FLT1: variants seen among roughly 807,000 people sequenced by gnomAD.
The protein encoded by FLT1 is fms related receptor tyrosine kinase 1, also known as vascular endothelial growth factor receptor 1.
A neutral mutation model predicts 156.3 loss-of-function variants in FLT1; 49 were observed. The observed-to-expected ratio is 0.31, with a 90% CI of 0.25 to 0.40. The LOEUF (loss-of-function observed/expected upper bound fraction) is 0.40. Among genes scored for constraint, FLT1 ranks in the 10% least tolerant of loss-of-function variants. The pLI, the probability that FLT1 is intolerant of heterozygous loss-of-function variation, is 1.00. For missense variants in FLT1, 1,322 were observed against 1,637.2 expected (o/e 0.81, Z 3.32); for synonymous variants, 594 against 583.8 (o/e 1.02, Z -0.25).
At chr13:28,473,644 CAAAA>C (rs56288848) in intron 1 of FLT1, among the ~76,000 whole-genome samples, 30,644 of 112,438 alleles carry the variant, frequency 0.27, 4,195 homozygotes, top group Non-Finnish European at 0.33. Flanking sequence ...GACTATATCT[CAAAA>C]GAAAGAAAGA....
chr13:28,469,496 C>T (rs1241425313), intron 1 of FLT1, among the ~76,000 whole-genome samples: 1 of 152,204 alleles, frequency 6.6e-6, no homozygotes, highest in Non-Finnish European at 1.5e-5. Flanking sequence ...GCTCCTCAGG[C>T]TCCTCGTGAG....
intron 15 of FLT1, among the ~76,000 whole-genome samples, chr13:28,349,638 C>T (rs1383942995): frequency 6.6e-6 from 1 of 152,178 alleles, no homozygotes; most frequent in Non-Finnish European, 1.5e-5. Flanking sequence ...ATGCTTCCCG[C>T]ATGGAATGCA....
chr13:28,458,531 G>A (rs1879394999), intron 3 of FLT1, among the ~76,000 whole-genome samples: 1 of 152,128 alleles, frequency 6.6e-6, no homozygotes, highest in Non-Finnish European at 1.5e-5. Flanking sequence ...GAAATTATTA[G>A]GACATCCTAG....
intron 1 of FLT1, among the ~76,000 whole-genome samples, chr13:28,482,094 T>C (rs1259135549): frequency 1.3e-5 from 2 of 152,202 alleles, no homozygotes; most frequent in East Asian, 1.9e-4. Context: ...TGACTGGCTA[T>C]AAAATCGGGA....
At chr13:28,373,414 A>G (rs1413165423) in intron 14 of FLT1, among the ~76,000 whole-genome samples, 1 of 152,138 alleles carries the variant, frequency 6.6e-6, no homozygotes, top group Non-Finnish European at 1.5e-5. Flanking sequence ...TCGTGGACTG[A>G]GTTCACTGAC....
chr13:28,442,892 A>G (rs1010016520), intron 3 of FLT1, among the ~76,000 whole-genome samples: 1 of 152,240 alleles, frequency 6.6e-6, no homozygotes, highest in African/African-American at 2.4e-5. Flanking sequence ...TTCCATTAAT[A>G]TCACCAGTAA....
intron 14 of FLT1, among the ~76,000 whole-genome samples, chr13:28,371,034 T>C (rs1873539835): frequency 6.6e-6 from 1 of 152,222 alleles, no homozygotes; most frequent in African/African-American, 2.4e-5. Flanking sequence ...TTACAGTGTA[T>C]GCCTGCTAAA....
intron 14 of FLT1, among the ~76,000 whole-genome samples, chr13:28,363,571 A>G (rs1220160589): frequency 1.3e-5 from 2 of 151,932 alleles, no homozygotes; most frequent in African/African-American, 4.8e-5. Flanking sequence ...TAGATTATAT[A>G]TCCTTTTCAA....
At chr13:28,389,576 C>T in intron 13 of FLT1, 1 of 1,438,092 alleles carries the variant, frequency 7.0e-7, no homozygotes, top group South Asian at 1.5e-5. Flanking sequence ...GCCCGGGGGT[C>T]TCATTATTAC....
intron 3 of FLT1, among the ~76,000 whole-genome samples, chr13:28,455,778 TA>T (rs1326081320): frequency 2.0e-5 from 3 of 152,182 alleles, no homozygotes; most frequent in Admixed American, 2.0e-4. Flanking sequence ...AAAGAATTCT[TA>T]AAACTCATCA....
At chr13:28,474,529 C>T (rs917660495) in intron 1 of FLT1, among the ~76,000 whole-genome samples, 3 of 145,022 alleles carry the variant, frequency 2.1e-5, no homozygotes, top group African/African-American at 8.3e-5. Context: ...CACACAAACC[C>T]CACAAATCAT....
chr13:28,466,702 G>T (rs1395712899), intron 3 of FLT1: 1 of 667,060 alleles, frequency 1.5e-6, no homozygotes, highest in Admixed American at 2.1e-5. Context: ...TCTCTTTGTG[G>T]AGCACATAGT....
intron 13 of FLT1, chr13:28,388,496 C>T: frequency 9.6e-7 from 1 of 1,037,502 alleles, no homozygotes; most frequent in Non-Finnish European, 1.2e-6. Context: ...ATATAATGAT[C>T]AATCATAAAT....
chr13:28,368,895 G>T (rs907664441), intron 14 of FLT1, among the ~76,000 whole-genome samples: 4 of 151,620 alleles, frequency 2.6e-5, no homozygotes, highest in African/African-American at 9.7e-5. Context: ...AGTTGAGATG[G>T]GGTTTCACCA....
At chr13:28,467,708 T>G (rs760454847) in intron 1 of FLT1, 91 bp from the exon 2 acceptor site, 6 of 684,136 alleles carry the variant, frequency 8.8e-6, no homozygotes, top group South Asian at 1.7e-5. Flanking sequence ...TTTTTCATTT[T>G]TAATTTATTT....
chr13:28,403,340 G>C (rs1302394698), intron 11 of FLT1, among the ~76,000 whole-genome samples: 1 of 152,114 alleles, frequency 6.6e-6, no homozygotes, highest in Non-Finnish European at 1.5e-5. Context: ...CAATAAATTT[G>C]TTTTAAACCT....
At chr13:28,344,762 T>C (rs992790243) in intron 16 of FLT1, among the ~76,000 whole-genome samples, 4 of 151,312 alleles carry the variant, frequency 2.6e-5, no homozygotes, top group Admixed American at 1.3e-4. Context: ...TTCCAATATG[T>C]TATGAGAGAA....
intron 19 of FLT1, among the ~76,000 whole-genome samples, 153 bp from the exon 20 acceptor site, chr13:28,327,703 G>T (rs923850382): frequency 6.9e-6 from 1 of 144,404 alleles, no homozygotes; most frequent in African/African-American, 2.6e-5. Context: ...CCATGAATAC[G>T]GTGACTTTTT....
chr13:28,345,415 A>G (rs756058749), intron 16 of FLT1, 30 bp downstream of exon 16: 4 of 1,357,486 alleles, frequency 2.9e-6, no homozygotes, highest in Non-Finnish European at 3.1e-6. Context: ...ATATGTAAAA[A>G]GGAGCATAGA....
Sources: gnomAD v4.1 joint callset for allele counts (sites outside exome capture counted in the v4.1 genomes callset) on GRCh38, gnomAD v4.1.1 for gene constraint, MANE v1.5 for transcripts, NCBI Gene and HGNC (gene_info 2026-07-23, HGNC 2026-07-21) for gene names.